The following CHST11 variants were observed in gnomAD, a reference collection of about 807,000 sequenced individuals.
CHST11 encodes carbohydrate sulfotransferase 11, also known as C4S-1.
Under a neutral mutation model 30.4 loss-of-function variants are expected in CHST11, and 9 were observed. The observed-to-expected ratio is 0.30, with a 90% confidence interval of 0.18 to 0.52. The LOEUF is 0.52. CHST11 is among the 20% of genes least tolerant of loss of function. The pLI, the probability that CHST11 is intolerant of heterozygous loss-of-function variation, is 0.97. For missense variants in CHST11, 348 were observed against 460.6 expected (o/e 0.76, Z 2.24); for synonymous variants, 152 against 187.8 (o/e 0.81, Z 1.56).
chr12:104,555,909 G>T (rs1171234302), intron 1 of CHST11, among the ~76,000 whole-genome samples: 1 of 152,256 alleles, frequency 6.6e-6, no homozygotes, highest in Non-Finnish European at 1.5e-5. Context: ...GGGAGTCCAG[G>T]TGGATGAGAA....
At chr12:104,522,596 G>T (rs971314169) in intron 1 of CHST11, among the ~76,000 whole-genome samples, 1 of 152,114 alleles carries the variant, frequency 6.6e-6, no homozygotes, top group African/African-American at 2.4e-5. Flanking sequence ...CTCTGGAGAT[G>T]GGCCCTATGT....
At chr12:104,664,999 G>A (rs561248072) in intron 2 of CHST11, among the ~76,000 whole-genome samples, 1 of 152,340 alleles carries the variant, frequency 6.6e-6, no homozygotes, top group African/African-American at 2.4e-5. Flanking sequence ...TTCAGGAAGA[G>A]AGAGTGGCTC....
At chr12:104,482,854 ACTT>A (rs1421576515) in intron 1 of CHST11, among the ~76,000 whole-genome samples, 2 of 151,968 alleles carry the variant, frequency 1.3e-5, no homozygotes, top group African/African-American at 4.8e-5. Flanking sequence ...AAATGTCCCC[ACTT>A]CTTCTGTCTT....
At chr12:104,620,298 A>T (rs2039147916) in intron 2 of CHST11, among the ~76,000 whole-genome samples, 1 of 152,194 alleles carries the variant, frequency 6.6e-6, no homozygotes, top group Non-Finnish European at 1.5e-5. Context: ...ATTTTCCAGG[A>T]TAAATGAGCT....
intron 1 of CHST11, among the ~76,000 whole-genome samples, chr12:104,592,780 T>G (rs542778441): frequency 4.3e-4 from 66 of 152,292 alleles, no homozygotes; most frequent in African/African-American, 1.4e-3. Flanking sequence ...CACTAACCTG[T>G]CAGGTTGACA....
At chr12:104,586,483 G>A (rs1170493957) in intron 1 of CHST11, among the ~76,000 whole-genome samples, 2 of 152,218 alleles carry the variant, frequency 1.3e-5, no homozygotes, top group Non-Finnish European at 2.9e-5. Context: ...AAGGGGAGGA[G>A]GCAGGTTTGG....
intron 2 of CHST11, among the ~76,000 whole-genome samples, chr12:104,622,825 G>T (rs1592799950): frequency 1.3e-5 from 2 of 152,314 alleles, no homozygotes; most frequent in East Asian, 3.9e-4. Flanking sequence ...CAAGCACATG[G>T]TAAAAGTGTG....
chr12:104,665,324 G>T (rs10861265), intron 2 of CHST11, among the ~76,000 whole-genome samples: 2 of 152,020 alleles, frequency 1.3e-5, no homozygotes, highest in Non-Finnish European at 2.9e-5. Context: ...CAGAACTTTG[G>T]GAGGAGCAAG....
intron 2 of CHST11, among the ~76,000 whole-genome samples, chr12:104,708,642 C>T (rs181708415): frequency 2.4e-3 from 367 of 152,282 alleles, no homozygotes; most frequent in African/African-American, 7.9e-3. Context: ...CACCCCATGC[C>T]GTCCTCACCA....
At chr12:104,740,784 C>T (rs1382040681) in intron 2 of CHST11, among the ~76,000 whole-genome samples, 2 of 152,094 alleles carry the variant, frequency 1.3e-5, no homozygotes, top group Non-Finnish European at 2.9e-5. Flanking sequence ...TGACTCTGTT[C>T]CTGGATATCT....
intron 2 of CHST11, among the ~76,000 whole-genome samples, chr12:104,684,883 G>T (rs897113891): frequency 4.6e-5 from 7 of 152,190 alleles, no homozygotes; most frequent in African/African-American, 1.4e-4. Context: ...AAGGTGCTCT[G>T]CAGCTATAAG....
At chr12:104,482,351 C>CA (rs1012303316) in intron 1 of CHST11, among the ~76,000 whole-genome samples, 4 of 89,868 alleles carry the variant, frequency 4.5e-5, no homozygotes, top group Non-Finnish European at 9.1e-5. Flanking sequence ...GGAGCCCCCC[C>CA]CCGCAAAAAT....
At chr12:104,689,348 A>G (rs1483358488) in intron 2 of CHST11, among the ~76,000 whole-genome samples, 1 of 152,202 alleles carries the variant, frequency 6.6e-6, no homozygotes, top group Non-Finnish European at 1.5e-5. Flanking sequence ...ATGGCCAAGG[A>G]TAGGCCCAAT....
intron 1 of CHST11, among the ~76,000 whole-genome samples, chr12:104,536,890 G>T (rs1018236427): frequency 2.2e-4 from 34 of 152,192 alleles, no homozygotes; most frequent in Admixed American, 5.9e-4. Flanking sequence ...TTTGATGGCT[G>T]AAGGGATAGT....
intron 1 of CHST11, among the ~76,000 whole-genome samples, chr12:104,472,716 G>T (rs1386169815): frequency 6.6e-6 from 1 of 152,216 alleles, no homozygotes; most frequent in Non-Finnish European, 1.5e-5. Context: ...GGCCAGATGC[G>T]ATTGCTGTTA....
chr12:104,520,752 G>A (rs1289133797), intron 1 of CHST11, among the ~76,000 whole-genome samples: 1 of 152,180 alleles, frequency 6.6e-6, no homozygotes, highest in Non-Finnish European at 1.5e-5. Flanking sequence ...AGCGGGGATG[G>A]CAGGGGCTTT....
At chr12:104,687,620 T>TC (rs1206508413) in intron 2 of CHST11, among the ~76,000 whole-genome samples, 1 of 152,074 alleles carries the variant, frequency 6.6e-6, no homozygotes, top group African/African-American at 2.4e-5. Context: ...AGGAGGTACT[T>TC]CCCAAAGACC....
In CHST11 at chr12:104,757,689, C is replaced by CACAG; in HGVS notation, c.947_950dup (p.Glu317AspfsTer52). ...CTACGAGAACTACTGATGAAATGAC[C>CACAG]ACAGAATTCTTCCAGAACATCAGCT... On this transcript the variant is annotated frameshift_variant, in exon 3 of 3. Coordinates refer to ENST00000303694, the MANE Select transcript of CHST11 (RefSeq NM_018413.6). LOFTEE classifies it high-confidence loss of function. This position sits in a 1 kb window ranked among gnomAD's most constrained non-coding sequence, Gnocchi z 6.5. The CACAG allele has an allele frequency of 1.2e-6, 2 of 1,614,084 alleles. No individual in the cohort carries two copies. Among genetic ancestry groups the CACAG allele is most frequent in the Non-Finnish European group, 8.5e-7 (1 of 1,180,030 alleles).
At chr12:104,615,340 A>G (rs1362871300) in intron 2 of CHST11, among the ~76,000 whole-genome samples, 1 of 152,244 alleles carries the variant, frequency 6.6e-6, no homozygotes, top group Non-Finnish European at 1.5e-5. Context: ...CGGAATATCC[A>G]CGGATATATC....
Sources: allele counts gnomAD v4.1 joint callset (sites outside exome capture counted in the v4.1 genomes callset), GRCh38; gene constraint gnomAD v4.1.1; non-coding constraint Gnocchi (gnomAD v3.1); transcripts MANE v1.5; gene names NCBI Gene and HGNC (gene_info 2026-07-23, HGNC 2026-07-21).